Variants in ARMH4 observed in about 807,000 individuals in gnomAD.
The protein encoded by ARMH4 is armadillo-like helical domain-containing protein 4.
A neutral mutation model predicts 61.9 loss-of-function variants in ARMH4; 49 were observed. The observed-to-expected ratio is 0.79, with a 90% CI of 0.63 to 1.00. The LOEUF (loss-of-function observed/expected upper bound fraction) is 1.00, where lower values mean the gene tolerates loss of function less well. ARMH4 is among the 50% of genes least tolerant of loss of function. The pLI, the probability that ARMH4 is intolerant of heterozygous loss-of-function variation, is 0.00. For missense variants in ARMH4, 934 were observed against 930.0 expected, an observed-to-expected ratio of 1.00 and a Z score of -0.06; for synonymous variants, 368 against 341.5, an observed-to-expected ratio of 1.08 and a Z score of -0.85.
At chr14:58,140,675 C>A (rs992240737) in intron 1 of ARMH4, among the ~76,000 whole-genome samples, 2 of 151,738 alleles carry the variant, frequency 1.3e-5, no homozygotes, top group Non-Finnish European at 2.9e-5. Context: ...CCAAGGCGGG[C>A]GGATCACCTG....
intron 5 of ARMH4, among the ~76,000 whole-genome samples, chr14:58,075,592 G>A (rs1009652933): frequency 7.5e-5 from 8 of 106,640 alleles, no homozygotes; most frequent in African/African-American, 2.0e-4. Context: ...ATCACACACC[G>A]GGGCCTGTTG....
chr14:58,016,661 G>C (rs1294169453), intron 5 of ARMH4, among the ~76,000 whole-genome samples: 2 of 152,182 alleles, frequency 1.3e-5, no homozygotes, highest in African/African-American at 2.4e-5. Context: ...AGAAGTTAGA[G>C]CCTTTCCAGT....
intron 5 of ARMH4, among the ~76,000 whole-genome samples, chr14:58,049,474 T>C (rs1300097639): frequency 6.6e-6 from 1 of 152,070 alleles, no homozygotes; most frequent in Non-Finnish European, 1.5e-5. Context: ...AAACAAAGAA[T>C]TACAGCCAGA....
At chr14:58,014,020 T>C (rs1004672409) in intron 5 of ARMH4, among the ~76,000 whole-genome samples, 1 of 123,376 alleles carries the variant, frequency 8.1e-6, no homozygotes, top group African/African-American at 3.1e-5. Context: ...TAAGACTCCA[T>C]CTCAAAAAAA....
chr14:58,034,310 A>C (rs1441357621), intron 5 of ARMH4, among the ~76,000 whole-genome samples: 2 of 119,938 alleles, frequency 1.7e-5, no homozygotes, highest in Non-Finnish European at 3.7e-5. Flanking sequence ...ACTAAGCTTC[A>C]TAAGTGAAGG....
chr14:58,082,018 C>T (rs544088136), intron 5 of ARMH4, among the ~76,000 whole-genome samples: 31 of 151,826 alleles, frequency 2.0e-4, no homozygotes, highest in African/African-American at 6.5e-4. Flanking sequence ...AAAGTAATAT[C>T]TGAAAAGTGA....
chr14:58,016,868 T>C (rs962561806), intron 5 of ARMH4, among the ~76,000 whole-genome samples: 1 of 152,228 alleles, frequency 6.6e-6, no homozygotes, highest in African/African-American at 2.4e-5. Context: ...CCACAGCTAA[T>C]ATTATACTCA....
intron 4 of ARMH4, chr14:58,116,445 C>A (rs547260761): frequency 1.7e-4 from 65 of 377,214 alleles, no homozygotes; most frequent in Admixed American, 6.7e-4. Context: ...GAGGCCGAGG[C>A]AGGCAGACTT....
chr14:58,151,109 C>T (rs905228798), intron 1 of ARMH4, among the ~76,000 whole-genome samples: 3 of 152,220 alleles, frequency 2.0e-5, no homozygotes, highest in African/African-American at 4.8e-5. Flanking sequence ...CAAACTAAAA[C>T]TTCCAAAGAA....
At chr14:58,094,422 G>A (rs1353672857) in intron 5 of ARMH4, among the ~76,000 whole-genome samples, 1 of 151,426 alleles carries the variant, frequency 6.6e-6, no homozygotes, top group Non-Finnish European at 1.5e-5. Flanking sequence ...TAAGCCTCAA[G>A]CCTGACAAGC....
Position 58,003,435 on chromosome 14 carries a change from T to G in ARMH4, c.*1301A>C, listed in dbSNP as rs1285984536. On this transcript the variant is annotated 3_prime_UTR_variant, in exon 8 of 8. Coordinates refer to ENST00000267485, the MANE Select transcript of ARMH4 (RefSeq NM_001001872.4). ...ACTGTGCAACTTTTCTTGAACATAG[T>G]AGACAACTTCTAATAAACACCAACA... is the stretch of plus-strand genomic sequence containing the variant. 6.6e-6 allele frequency: 1 copy of G among 152,228 alleles called. No individual in the cohort carries two copies. Among genetic ancestry groups the G allele is most frequent in the East Asian group, 1.9e-4 (1 of 5,196 alleles). The allele number at this position is 152,228 out of a possible 1,614,324, so 9.4% of individuals were successfully genotyped here.
At chr14:58,090,250 T>C (rs1885512994) in intron 5 of ARMH4, among the ~76,000 whole-genome samples, 1 of 152,188 alleles carries the variant, frequency 6.6e-6, no homozygotes, top group South Asian at 2.1e-4. Context: ...TGGTCTCTTC[T>C]TGAGATGGAA....
chr14:58,078,315 C>T (rs1464304222), intron 5 of ARMH4, among the ~76,000 whole-genome samples: 2 of 152,172 alleles, frequency 1.3e-5, no homozygotes, highest in East Asian at 3.8e-4. Flanking sequence ...CATGCCAAGA[C>T]CTAGGAGTCA....
At chr14:58,119,282 G>C (rs1166457551) in intron 4 of ARMH4, among the ~76,000 whole-genome samples, 1 of 152,180 alleles carries the variant, frequency 6.6e-6, no homozygotes, top group African/African-American at 2.4e-5. Flanking sequence ...TCGTGGTTAT[G>C]AATACAGCTT....
chr14:58,111,464 G>C (rs532999219), intron 4 of ARMH4, among the ~76,000 whole-genome samples: 3 of 152,166 alleles, frequency 2.0e-5, no homozygotes, highest in African/African-American at 4.8e-5. Flanking sequence ...TAGTAAGTTT[G>C]GGCTGTCATA....
chr14:58,135,927 T>C (rs1209376641), intron 2 of ARMH4, among the ~76,000 whole-genome samples: 3 of 152,116 alleles, frequency 2.0e-5, no homozygotes, highest in African/African-American at 7.2e-5. Flanking sequence ...ATCTTTCCCA[T>C]TCCTTTTAAC....
At position 58,004,660 on chromosome 14, in the gene ARMH4, CTTTT is replaced by C; in HGVS notation, c.*72_*75del. The C allele has an allele frequency of 1.0e-6, 1 of 981,294 alleles. No homozygotes were observed. The highest frequency in any genetic ancestry group is 1.5e-6 in the Non-Finnish European group (1 of 682,068). The allele number at this position is 981,294 out of a possible 1,614,324, so 60.8% of individuals were successfully genotyped here. On this transcript the variant is annotated 3_prime_UTR_variant, in exon 8 of 8. Transcript: ENST00000267485. ...GATAGCAGCAATGTGGCAGGTTGTTCTTTTTTTTTTTCTGCTCCAAAATAAAAAT... is the reference window on the plus strand; with the variant it reads ...GATAGCAGCAATGTGGCAGGTTGTTCTTTTTTTCTGCTCCAAAATAAAAAT...
intron 1 of ARMH4, 90 bp from the exon 2 acceptor site, chr14:58,139,504 T>C (rs1330596471): frequency 1.3e-6 from 1 of 745,634 alleles, no homozygotes; most frequent in Non-Finnish European, 2.2e-6. Context: ...AATAATCTCC[T>C]TGACTTTATA....
rs1484222940 is a variant in ARMH4 at position 58,002,730 on chromosome 14, C to T, written c.*2006G>A. The T allele has an allele frequency of 6.6e-6, 1 of 152,230 alleles. No individual in the cohort carries two copies. Among genetic ancestry groups the T allele is most frequent in the Non-Finnish European group, 1.5e-5 (1 of 68,036 alleles). 9.4% of individuals were successfully genotyped at this position (152,230 alleles called of 1,614,324 possible). A position where few individuals can be genotyped will look rare whatever the true frequency, so the allele number is the denominator to read the frequency against. On this transcript the variant is annotated 3_prime_UTR_variant, in exon 8 of 8. Coordinates refer to ENST00000267485, the MANE Select transcript of ARMH4 (RefSeq NM_001001872.4). The stretch of plus-strand genomic sequence containing the variant: ...AAGGGCTGCTCTTAGAAAAGGAAAA[C>T]ATCCCTTATGCAATATCAGGATGTC...
Sources: allele counts gnomAD v4.1 joint callset (sites outside exome capture counted in the v4.1 genomes callset), GRCh38; gene constraint gnomAD v4.1.1; transcripts MANE v1.5; gene names NCBI Gene and HGNC (gene_info 2026-07-23, HGNC 2026-07-21).